The following MROH1 variants were observed in gnomAD, a reference collection of about 807,000 sequenced individuals.
MROH1 encodes the protein maestro heat-like repeat-containing protein family member 1.
A neutral mutation model predicts 116.5 loss-of-function variants in MROH1; 117 were observed. The observed-to-expected ratio is 1.00, with a 90% CI of 0.86 to 1.17. The LOEUF (loss-of-function observed/expected upper bound fraction) is 1.17, where lower values mean the gene tolerates loss of function less well. Among genes scored for constraint, MROH1 ranks in the 50% most tolerant of loss-of-function variants. The pLI, the probability that MROH1 is intolerant of heterozygous loss-of-function variation, is 0.00. For synonymous variants in MROH1, 921 were observed against 583.9 expected (o/e 1.58, Z -8.32); for missense variants, 1,873 against 1,338.5 (o/e 1.40, Z -6.23).
intron 12 of MROH1, among the ~76,000 whole-genome samples, chr8:144,201,527 C>A (rs1456413814): frequency 6.6e-6 from 1 of 152,176 alleles, no homozygotes; most frequent in Non-Finnish European, 1.5e-5. Context: ...GTTGTTACAT[C>A]TTTAATGGGT....
At chr8:144,193,594 A>C (rs1829145827) in intron 10 of MROH1, among the ~76,000 whole-genome samples, 1 of 152,026 alleles carries the variant, frequency 6.6e-6, no homozygotes, top group East Asian at 1.9e-4. Flanking sequence ...TTTATTATTT[A>C]TTCATTTATT....
chr8:144,191,791 C>T lies in MROH1; in HGVS notation c.791C>T (p.Pro264Leu). ...AGTGAGAGGCTGGAAGAGCAGCTGC[C>T]CAAGCTCCTCCCTGGGATTCTCGCC... ...LPSERLEEQL[P>L]KLLPGILALY... Residue 264 changes from proline to leucine, a missense_variant, in exon 9 of 44, where the codon CCC (proline) becomes CTC (leucine). By Grantham distance (98) the Pro-to-Leu change is moderately conservative. Coordinates refer to ENST00000326134, the MANE Select transcript of MROH1 (RefSeq NM_032450.3). 1 of 1,613,428 alleles carries T rather than the reference C, an allele frequency of 6.2e-7. No homozygotes were observed. Among genetic ancestry groups the T allele is most frequent in the Non-Finnish European group, 8.5e-7 (1 of 1,179,828 alleles).
intron 13 of MROH1, among the ~76,000 whole-genome samples, chr8:144,221,143 G>A (rs1588290984): frequency 6.6e-6 from 1 of 152,172 alleles, no homozygotes; most frequent in South Asian, 2.1e-4. Flanking sequence ...GTGGGTCACA[G>A]AGCATCACAA....
At chr8:144,220,002 T>C (rs954138340) in intron 12 of MROH1, among the ~76,000 whole-genome samples, 1 of 152,240 alleles carries the variant, frequency 6.6e-6, no homozygotes. Flanking sequence ...ACAGCAGTCC[T>C]GTCCTGTGCA....
At chr8:144,168,490 G>A (rs747272364) in intron 4 of MROH1, 50 bp downstream of exon 4, 5 of 1,553,234 alleles carry the variant, frequency 3.2e-6, no homozygotes, top group Middle Eastern at 1.7e-4. Context: ...ATGGTCGGTT[G>A]GGGCTTACTT....
chr8:144,164,807 T>G (rs1429259476), intron 3 of MROH1, among the ~76,000 whole-genome samples: 1 of 152,122 alleles, frequency 6.6e-6, no homozygotes, highest in Non-Finnish European at 1.5e-5. Context: ...TTAGATTGGG[T>G]AATTAATGAA....
intron 12 of MROH1, among the ~76,000 whole-genome samples, chr8:144,209,957 G>T (rs1480213499): frequency 6.6e-6 from 1 of 150,450 alleles, no homozygotes; most frequent in Non-Finnish European, 1.5e-5. Context: ...AAACAAATGT[G>T]TGACTTATTA....
chr8:144,201,473 A>G (rs1173313463), intron 12 of MROH1, among the ~76,000 whole-genome samples: 1 of 152,226 alleles, frequency 6.6e-6, no homozygotes, highest in African/African-American at 2.4e-5. Flanking sequence ...GCCATGGCCC[A>G]CCGGCCCTGC....
intron 16 of MROH1, 44 bp downstream of exon 16, chr8:144,239,223 T>G: frequency 1.1e-5 from 4 of 357,082 alleles, no homozygotes; most frequent in Non-Finnish European, 2.2e-5. Context: ...CTGCCCCCAC[T>G]TCCCCACTCC....
intron 14 of MROH1, among the ~76,000 whole-genome samples, chr8:144,236,449 G>A (rs908609482): frequency 5.9e-5 from 9 of 152,154 alleles, no homozygotes; most frequent in African/African-American, 9.7e-5. Flanking sequence ...TAAACATTTA[G>A]TCAGCATCAG....
At chr8:144,250,496 G>A (rs1027107896) in intron 33 of MROH1, 130 bp downstream of exon 33, 22 of 698,282 alleles carry the variant, frequency 3.2e-5, no homozygotes, top group Admixed American at 4.0e-5. Context: ...TGTAGGCCAC[G>A]TGGGACAGAA....
chr8:144,191,040 C>T (rs576269259), intron 8 of MROH1, 105 bp downstream of exon 8: 12 of 1,307,864 alleles, frequency 9.2e-6, no homozygotes, highest in South Asian at 9.1e-5. Flanking sequence ...GTTGCATTGG[C>T]AAGCAGAGGT....
chr8:144,177,185 A>C (rs1824211043), intron 4 of MROH1, among the ~76,000 whole-genome samples: 1 of 152,206 alleles, frequency 6.6e-6, no homozygotes, highest in African/African-American at 2.4e-5. Context: ...CTGGTTTCGC[A>C]GAGTGGCAGT....
Position 144,168,485 on chromosome 8 carries a change from C to A in MROH1, c.168+45C>A, listed in dbSNP as rs527986286. On this transcript the variant is annotated intron_variant, in intron 4 of 43. Coordinates refer to ENST00000326134, the MANE Select transcript of MROH1 (RefSeq NM_032450.3). ...GGGATGATGTTGTCAGGGCCATGGTCGGTTGGGGCTTACTTGGTTTGGGAA... is the reference window on the plus strand; with the variant it reads ...GGGATGATGTTGTCAGGGCCATGGTAGGTTGGGGCTTACTTGGTTTGGGAA... 4 of 1,558,114 alleles carry A rather than the reference C, an allele frequency of 2.6e-6. No individual in the cohort carries two copies. The South Asian group carries it at 4.8e-5, about 19-fold the overall frequency.
Position 144,260,214 on chromosome 8 carries a change from C to G in MROH1, c.4220C>G (p.Thr1407Arg). ...KVRTHGPQLL[T>R]AMIGGLDDGD... is the part of the protein sequence containing the mutation. ...CGAACCCACGGCCCCCAGCTCCTCA[C>G]AGCCATGATTGGCGGGCTGGACGAC... is the stretch of plus-strand genomic sequence containing the variant. Residue 1407 changes from threonine (T) to arginine (R), a missense_variant, in exon 39 of 44, where the codon ACA (threonine) becomes AGA (arginine). Coordinates refer to ENST00000326134, the MANE Select transcript of MROH1 (RefSeq NM_032450.3). The G allele has an allele frequency of 1.3e-6, 1 of 765,746 alleles. No individual in the cohort carries two copies. The highest frequency in any genetic ancestry group is 1.7e-5 in the Admixed American group (1 of 59,010). 47.4% of individuals were successfully genotyped at this position (765,746 alleles called of 1,614,324 possible).
intron 12 of MROH1, among the ~76,000 whole-genome samples, chr8:144,202,316 C>CGG (rs1831369278): frequency 6.8e-6 from 1 of 146,610 alleles, no homozygotes; most frequent in Non-Finnish European, 1.5e-5. Context: ...GGCAGCGACC[C>CGG]GCTCTGTGTG....
intron 4 of MROH1, among the ~76,000 whole-genome samples, chr8:144,179,170 G>A (rs187872324): frequency 6.6e-6 from 1 of 152,094 alleles, no homozygotes; most frequent in African/African-American, 2.4e-5. Context: ...CATGTGACTG[G>A]GAGACCCTAC....
chr8:144,219,567 A>T (rs1301575733), intron 12 of MROH1, among the ~76,000 whole-genome samples: 2 of 152,104 alleles, frequency 1.3e-5, no homozygotes, highest in Admixed American at 1.3e-4. Flanking sequence ...TAGATCTGGA[A>T]CCTGTCTTTT....
In MROH1 at chr8:144,260,894, C is replaced by T. The variant is rs1844915159; in HGVS notation, c.4537-13C>T. Reference sequence around the variant, plus strand: ...GCCTCAACTGGACTTGGCCCCAGTGCCGCATCCCTTAGGCCTGCAGGTTTG... The same window carrying T: ...GCCTCAACTGGACTTGGCCCCAGTGTCGCATCCCTTAGGCCTGCAGGTTTG... On this transcript the variant is annotated splice_polypyrimidine_tract_variant and intron_variant, in intron 40 of 43. Coordinates refer to ENST00000326134, the MANE Select transcript of MROH1 (RefSeq NM_032450.3). 2.6e-6 allele frequency: 2 copies of T among 777,408 alleles called. No individual in the cohort carries two copies. The highest frequency in any genetic ancestry group is 4.8e-6 in the Non-Finnish European group (2 of 417,764). The allele number at this position is 777,408 out of a possible 1,614,324, so 48.2% of individuals were successfully genotyped here.
Sources: gnomAD v4.1 joint callset for allele counts (sites outside exome capture counted in the v4.1 genomes callset) on GRCh38, gnomAD v4.1.1 for gene constraint, MANE v1.5 for transcripts, NCBI Gene and HGNC (gene_info 2026-07-23, HGNC 2026-07-21) for gene names.